SEL1L2: variants seen among roughly 807,000 people sequenced by gnomAD.
SEL1L2 encodes the protein SEL1L2 adaptor subunit of SYVN1 ubiquitin ligase.
A neutral mutation model predicts 98.8 loss-of-function variants in SEL1L2; 89 were observed. The observed-to-expected ratio is 0.90, with a 90% confidence interval of 0.76 to 1.07. The LOEUF is 1.07. SEL1L2 is among the 50% of genes least tolerant of loss of function. The probability of loss-of-function intolerance (pLI) is 0.00; values close to 1 mark genes in which losing one functional copy is unlikely to be tolerated. For missense variants in SEL1L2, 788 were observed against 812.0 expected, an observed-to-expected ratio of 0.97 and a Z score of 0.36; for synonymous variants, 262 against 278.5, an observed-to-expected ratio of 0.94 and a Z score of 0.59.
chr20:13,881,311 C>T (rs1377308960), intron 10 of SEL1L2, among the ~76,000 whole-genome samples: 1 of 152,300 alleles, frequency 6.6e-6, no homozygotes, highest in Non-Finnish European at 1.5e-5. Flanking sequence ...CGTGCCTGGC[C>T]TGAATACTTC....
intron 1 of SEL1L2, among the ~76,000 whole-genome samples, chr20:13,959,752 CTT>C (rs2030178646): frequency 6.6e-6 from 1 of 152,162 alleles, no homozygotes; most frequent in African/African-American, 2.4e-5. Flanking sequence ...AATAAACAAA[CTT>C]ATTTCTCCTT....
intron 2 of SEL1L2, among the ~76,000 whole-genome samples, chr20:13,955,446 T>G (rs2050486919): frequency 6.6e-6 from 1 of 151,930 alleles, no homozygotes; most frequent in Non-Finnish European, 1.5e-5. Context: ...CTGGGGTTTT[T>G]GAGGAACAGC....
At chr20:13,984,730 T>C (rs1484926157) in intron 1 of SEL1L2, among the ~76,000 whole-genome samples, 2 of 152,088 alleles carry the variant, frequency 1.3e-5, no homozygotes, top group African/African-American at 2.4e-5. Flanking sequence ...CTTTTTTCTT[T>C]CTTTTTTGCT....
intron 3 of SEL1L2, among the ~76,000 whole-genome samples, chr20:13,920,325 T>C (rs1353662795): frequency 6.6e-6 from 1 of 151,920 alleles, no homozygotes; most frequent in Non-Finnish European, 1.5e-5. Context: ...ATACTCATGA[T>C]AACTTGCCTC....
At chr20:13,943,082 A>T (rs2049853521) in intron 2 of SEL1L2, among the ~76,000 whole-genome samples, 1 of 152,206 alleles carries the variant, frequency 6.6e-6, no homozygotes, top group Non-Finnish European at 1.5e-5. Flanking sequence ...TAACTCATTC[A>T]GTTACTTCAG....
At chr20:13,893,775 T>G (rs377287159) in intron 5 of SEL1L2, among the ~76,000 whole-genome samples, 39 of 152,346 alleles carry the variant, frequency 2.6e-4, no homozygotes, top group African/African-American at 8.4e-4. Flanking sequence ...GATCATATTT[T>G]GGGACAGAAA....
At chr20:13,859,504 C>T (rs1989740105) in intron 17 of SEL1L2, 70 bp from the exon 18 acceptor site, 1 of 1,357,384 alleles carries the variant, frequency 7.4e-7, no homozygotes, top group African/African-American at 1.5e-5. Flanking sequence ...GGAATTCAAC[C>T]TAGTAATCTT....
At chr20:13,862,625 A>G (rs1990318496) in intron 17 of SEL1L2, among the ~76,000 whole-genome samples, 1 of 152,156 alleles carries the variant, frequency 6.6e-6, no homozygotes, top group Non-Finnish European at 1.5e-5. Flanking sequence ...ATGTAATACC[A>G]TGAGCCTTCT....
chr20:13,855,208 G>A (rs1485343842), intron 18 of SEL1L2, among the ~76,000 whole-genome samples: 1 of 152,108 alleles, frequency 6.6e-6, no homozygotes, highest in Non-Finnish European at 1.5e-5. Flanking sequence ...GAGGGCTCAG[G>A]TCAAGGTCTT....
chr20:13,944,451 A>G (rs988175592), intron 2 of SEL1L2, among the ~76,000 whole-genome samples: 37 of 152,302 alleles, frequency 2.4e-4, no homozygotes, highest in Middle Eastern at 3.4e-3. Flanking sequence ...TAACTGGGAT[A>G]TTGTGTATGA....
chr20:13,869,387 G>T, intron 14 of SEL1L2, 116 bp downstream of exon 14: 2 of 730,762 alleles, frequency 2.7e-6, no homozygotes, highest in South Asian at 1.7e-5. Context: ...TTAATTTGTT[G>T]CCTAAATGTT....
rs373742951 is a variant in SEL1L2, at chr20:13,869,582, G to A, written c.1176C>T (p.Ala392=). The A allele has an allele frequency of 1.4e-5, 22 of 1,613,386 alleles. No homozygotes were observed. Among genetic ancestry groups the A allele is most frequent in the Middle Eastern group, 1.6e-4 (1 of 6,084 alleles). Residue 392 remains alanine (A), a synonymous_variant, in exon 14 of 20, where the codon GCC becomes GCT. Coordinates refer to ENST00000284951, the MANE Select transcript of SEL1L2 (RefSeq NM_025229.2). ...CTTTCTGAAAGTATTTAAGTGCTTC[G>A]GCATAATTCTGCAAGATAATTACAC... is the stretch of plus-strand genomic sequence containing the variant. ...FHGKGVPLNY[A]EALKYFQKAA...
chr20:13,937,577 A>G (rs1037924739), intron 2 of SEL1L2, among the ~76,000 whole-genome samples: 1 of 152,172 alleles, frequency 6.6e-6, no homozygotes, highest in African/African-American at 2.4e-5. Context: ...CCATGTGCCT[A>G]AATTTTCCTG....
chr20:13,945,140 T>C, intron 2 of SEL1L2, among the ~76,000 whole-genome samples: 1 of 152,182 alleles, frequency 6.6e-6, no homozygotes, highest in East Asian at 1.9e-4. Flanking sequence ...AAGATCTATA[T>C]GAGGAAGTGA....
At chr20:13,899,333 C>G (rs2047565487) in intron 5 of SEL1L2, among the ~76,000 whole-genome samples, 1 of 152,060 alleles carries the variant, frequency 6.6e-6, no homozygotes, top group Non-Finnish European at 1.5e-5. Flanking sequence ...CTAATAATTT[C>G]AATTAAATGC....
chr20:13,907,744 T>TTC (rs904320673), intron 5 of SEL1L2, among the ~76,000 whole-genome samples: 1 of 145,872 alleles, frequency 6.9e-6, no homozygotes, highest in Non-Finnish European at 1.5e-5. Flanking sequence ...CTTTCTTTCT[T>TTC]TCTTTTCTTT....
At chr20:13,931,869 A>G in intron 2 of SEL1L2, 98 bp from the exon 3 acceptor site, 1 of 1,030,304 alleles carries the variant, frequency 9.7e-7, no homozygotes, top group African/African-American at 1.6e-5. Flanking sequence ...TGGCAAAAAT[A>G]CAAGCTTAAT....
intron 1 of SEL1L2, among the ~76,000 whole-genome samples, chr20:13,979,836 C>G (rs1221301141): frequency 1.3e-5 from 2 of 152,002 alleles, no homozygotes; most frequent in African/African-American, 4.8e-5. Flanking sequence ...AAAGCATAAG[C>G]AACAAAATGA....
chr20:13,948,037 C>T lies in SEL1L2; in HGVS notation c.114+8039G>A, dbSNP rs371215787. 4.6e-5 allele frequency among the ~76,000 whole-genome samples: 7 copies of T among 152,308 alleles called. No individual in the cohort carries two copies. The East Asian group carries it at 7.7e-4, about 17-fold the overall frequency. ...TGCCAGGCCAAGTGGCCAGAATGAG[C>T]ACAGCAGGTCTGAGCAAAACTTGGG... On this transcript the variant is annotated intron_variant, in intron 2 of 19. Transcript: ENST00000284951.
Sources: gnomAD v4.1 joint callset for allele counts (sites outside exome capture counted in the v4.1 genomes callset) on GRCh38, gnomAD v4.1.1 for gene constraint, MANE v1.5 for transcripts, NCBI Gene and HGNC (gene_info 2026-07-23, HGNC 2026-07-21) for gene names.